Variants in TNKS observed in about 807,000 individuals in gnomAD.
TNKS encodes the protein poly [ADP-ribose] polymerase tankyrase-1.
Under a neutral mutation model 135.8 loss-of-function variants are expected in TNKS, and 72 were observed. The observed-to-expected ratio is 0.53, with a 90% confidence interval of 0.44 to 0.64. The LOEUF (loss-of-function observed/expected upper bound fraction) is 0.64, where lower values mean the gene tolerates loss of function less well. TNKS is among the 30% of genes least tolerant of loss of function. The probability of loss-of-function intolerance (pLI) is 0.00; values close to 1 mark genes in which losing one functional copy is unlikely to be tolerated. For missense variants in TNKS, 1,769 were observed against 1,674.0 expected (o/e 1.06, Z -0.99); for synonymous variants, 849 against 649.3 (o/e 1.31, Z -4.68).
chr8:9,608,152 GC>G (rs1371114222), intron 2 of TNKS, among the ~76,000 whole-genome samples: 3 of 152,016 alleles, frequency 2.0e-5, no homozygotes, highest in African/African-American at 7.2e-5. Context: ...TGTTGCCCAG[GC>G]TGGTCTTAAA....
In TNKS at chr8:9,781,273, C is replaced by T. The variant is rs1438365902; in HGVS notation, c.*4537C>T. 1 of 152,204 alleles carries T rather than the reference C, an allele frequency of 6.6e-6. No individual in the cohort carries two copies. Among genetic ancestry groups the T allele is most frequent in the Admixed American group, 6.5e-5 (1 of 15,286 alleles). 9.4% of individuals were successfully genotyped at this position (152,204 alleles called of 1,614,324 possible). Reference sequence around the variant, plus strand: ...GAGGTTTCTTTCACGTTCCAGAATTCAGATTGTTCTGTGATTTCTTTTACA... The same window carrying T: ...GAGGTTTCTTTCACGTTCCAGAATTTAGATTGTTCTGTGATTTCTTTTACA... On this transcript the variant is annotated 3_prime_UTR_variant, in exon 27 of 27. Coordinates refer to ENST00000310430, the MANE Select transcript of TNKS (RefSeq NM_003747.3).
chr8:9,688,834 T>C (rs1471653360), intron 5 of TNKS, among the ~76,000 whole-genome samples: 2 of 152,080 alleles, frequency 1.3e-5, no homozygotes, highest in Admixed American at 1.3e-4. Flanking sequence ...AGAGATGGCG[T>C]TTCACTATGT....
At chr8:9,736,243 C>T (rs1282874500) in intron 17 of TNKS, among the ~76,000 whole-genome samples, 2 of 150,436 alleles carry the variant, frequency 1.3e-5, no homozygotes, top group African/African-American at 4.9e-5. Context: ...GAGTAGCAGG[C>T]ACAGTGGCAT....
At chr8:9,773,023 G>C (rs938079130) in intron 26 of TNKS, among the ~76,000 whole-genome samples, 2 of 151,494 alleles carry the variant, frequency 1.3e-5, no homozygotes. Flanking sequence ...TTGTAAGTTG[G>C]TAGCTGTTTC....
At chr8:9,670,076 G>C (rs958618123) in intron 3 of TNKS, 2 of 152,146 alleles carry the variant, frequency 1.3e-5, no homozygotes, top group Admixed American at 6.5e-5. Context: ...GTGATGTCAT[G>C]ATTGCTTTTG....
intron 21 of TNKS, among the ~76,000 whole-genome samples, chr8:9,762,426 C>T (rs1015526561): frequency 1.3e-5 from 2 of 152,184 alleles, no homozygotes; most frequent in Admixed American, 1.3e-4. Flanking sequence ...GTGGCTATTT[C>T]AAGCCATCTT....
Position 9,763,166 on chromosome 8 carries a change from T to C in TNKS, c.3294T>C (p.Thr1098=), listed in dbSNP as rs1324483276. The C allele has an allele frequency of 1.3e-6, 2 of 1,598,328 alleles. No homozygotes were observed. Among genetic ancestry groups the C allele is most frequent in the Non-Finnish European group, 8.5e-7 (1 of 1,170,654 alleles). ...CGACAGGCACCAATCCTTATTTGAC[T>C]TTTCACTGTGTTAATCAGGGAACGA... ...GGQQGTNPYL[T]FHCVNQGTIL... The change falls in exon 22 of 27, where the codon ACT becomes ACC. Residue 1098 remains threonine (T), a synonymous_variant. Transcript: ENST00000310430.
chr8:9,656,538 T>A (rs191579846), intron 3 of TNKS, among the ~76,000 whole-genome samples: 1 of 151,594 alleles, frequency 6.6e-6, no homozygotes, highest in South Asian at 2.1e-4. Context: ...TAACAGCTGA[T>A]CTCTCGGCAG....
intron 20 of TNKS, among the ~76,000 whole-genome samples, chr8:9,753,812 C>T (rs71516538): frequency 0.035 from 5,299 of 152,254 alleles, 155 homozygotes; most frequent in Non-Finnish European, 0.052. Context: ...AAAATCTGCC[C>T]GTAGGTATAA....
chr8:9,590,199 G>A (rs1328953972), intron 2 of TNKS, among the ~76,000 whole-genome samples: 5 of 152,074 alleles, frequency 3.3e-5, no homozygotes, highest in African/African-American at 4.8e-5. Context: ...TCTGGCTCCC[G>A]TCTACATCAT....
chr8:9,735,156 A>G, intron 16 of TNKS, 72 bp downstream of exon 16: 2 of 1,459,844 alleles, frequency 1.4e-6, no homozygotes, highest in Non-Finnish European at 1.8e-6. Context: ...TAAAAGACGA[A>G]AGCCATGCTG....
chr8:9,606,784 G>C (rs1457216460), intron 2 of TNKS, among the ~76,000 whole-genome samples: 2 of 152,062 alleles, frequency 1.3e-5, no homozygotes, highest in Non-Finnish European at 2.9e-5. Flanking sequence ...TAGTCACTCT[G>C]TGATGTTTAT....
rs117796605 is a variant in TNKS, at chr8:9,577,782, A to G, written c.674-2377A>G. ...TCATATCCTTCTCATATTTCAAAAT[A>G]CAATCATGCCTTCCCGATAGTCCCC... On this transcript the variant is annotated intron_variant, in intron 1 of 26. Transcript: ENST00000310430. Among the ~76,000 whole-genome samples the G allele has an allele frequency of 1.8e-3, 271 of 152,318 alleles. 5 individuals are homozygous for G. The East Asian group carries it at 0.048, about 27-fold the overall frequency.
In TNKS at chr8:9,710,059, G is replaced by A. The variant is rs1312412004; in HGVS notation, c.1670+13G>A. On this transcript the variant is annotated intron_variant, in intron 10 of 26. Coordinates refer to ENST00000310430, the MANE Select transcript of TNKS (RefSeq NM_003747.3). ...AAAAAAATAAAGAGTAAGTATAATT[G>A]CAGAAGGAGTTGTTCAGTTCCTAAA... 1 of 1,611,784 alleles carries A rather than the reference G, an allele frequency of 6.2e-7. No individual in the cohort carries two copies. Among genetic ancestry groups the A allele is most frequent in the Middle Eastern group, 1.7e-4 (1 of 6,050 alleles).
At chr8:9,610,123 C>G (rs1231503091) in intron 2 of TNKS, among the ~76,000 whole-genome samples, 2 of 152,044 alleles carry the variant, frequency 1.3e-5, no homozygotes, top group African/African-American at 4.8e-5. Context: ...TTCCAAAGTG[C>G]TGAGATTACA....
intron 2 of TNKS, among the ~76,000 whole-genome samples, chr8:9,603,367 T>G (rs1230571542): frequency 6.6e-6 from 1 of 152,218 alleles, no homozygotes; most frequent in Non-Finnish European, 1.5e-5. Flanking sequence ...AACTATGATT[T>G]TTAAAATGCA....
chr8:9,670,840 G>A (rs1802240834), intron 3 of TNKS: 1 of 152,124 alleles, frequency 6.6e-6, no homozygotes. Context: ...TAGTTTATGT[G>A]TTATCCAGAA....
At chr8:9,741,110 C>T (rs1196728320) in intron 17 of TNKS, 1 of 152,198 alleles carries the variant, frequency 6.6e-6, no homozygotes, top group Non-Finnish European at 1.5e-5. Flanking sequence ...CACGCCCGGC[C>T]TACATGTAAT....
chr8:9,615,499 C>T (rs1799607177), intron 2 of TNKS, 83 bp from the exon 3 acceptor site: 3 of 1,175,996 alleles, frequency 2.6e-6, no homozygotes, highest in Non-Finnish European at 3.6e-6. Flanking sequence ...ATGTTTATGC[C>T]TACACCATGC....
Sources: allele counts gnomAD v4.1 joint callset (sites outside exome capture counted in the v4.1 genomes callset), GRCh38; gene constraint gnomAD v4.1.1; transcripts MANE v1.5; gene names NCBI Gene and HGNC (gene_info 2026-07-23, HGNC 2026-07-21).